Variants in TM6SF1 observed in about 807,000 individuals in gnomAD.
The protein encoded by TM6SF1 is transmembrane 6 superfamily member 1.
Under a neutral mutation model 47.1 loss-of-function variants are expected in TM6SF1, and 43 were observed. The ratio of observed to expected loss-of-function variants is 0.91; its 90% CI spans 0.72 to 1.18. The LOEUF (loss-of-function observed/expected upper bound fraction) is 1.18. Ranked by LOEUF, TM6SF1 falls within the 50% of genes most tolerant of loss-of-function variation. The pLI, the probability that TM6SF1 is intolerant of heterozygous loss-of-function variation, is 0.00. For missense variants in TM6SF1, 390 were observed against 449.0 expected, an observed-to-expected ratio of 0.87 and a Z score of 1.19; for synonymous variants, 177 against 166.3, an observed-to-expected ratio of 1.06 and a Z score of -0.49.
At chr15:83,135,070 A>G (rs928254523) in intron 9 of TM6SF1, 1 of 152,210 alleles carries the variant, frequency 6.6e-6, no homozygotes, top group African/African-American at 2.4e-5. Flanking sequence ...CAATGTAGAC[A>G]ATCCACGTGC....
In TM6SF1 at chr15:83,136,904, A is replaced by C; in HGVS notation, c.*232A>C. 1 of 335,892 alleles carries C rather than the reference A, an allele frequency of 3.0e-6. No individual in the cohort carries two copies. The highest frequency in any genetic ancestry group is 5.4e-6 in the Non-Finnish European group (1 of 184,868). The allele number at this position is 335,892 out of a possible 1,614,324, so 20.8% of individuals were successfully genotyped here. On this transcript the variant is annotated 3_prime_UTR_variant, in exon 10 of 10. Coordinates refer to ENST00000322019, the MANE Select transcript of TM6SF1 (RefSeq NM_023003.5). ...AATATATTCAAAATCATTTGTGAAT[A>C]AACTTGATCATCCATCTCAATATTG...
intron 7 of TM6SF1, 110 bp downstream of exon 7, chr15:83,124,886 T>A (rs897142224): frequency 1.1e-6 from 1 of 928,220 alleles, no homozygotes; most frequent in Non-Finnish European, 1.7e-6. Context: ...CTTAGCAAAC[T>A]AACAAACCAT....
chr15:83,126,806 G>A lies in TM6SF1; in HGVS notation c.760G>A (p.Glu254Lys), dbSNP rs757474185. The change falls in exon 8 of 10, where the codon GAG becomes AAG. Residue 254 changes from glutamate to lysine, a missense_variant. Transcript: ENST00000322019. ...CTGCCGATTATATACGCAATTTCAA[G>A]AGCCCTATCTAAAGGATCCTGCTGC... Reference protein sequence around the residue: ...ELCRLYTQFQEPYLKDPAAYP... With the variant: ...ELCRLYTQFQKPYLKDPAAYP... The A allele has an allele frequency of 4.3e-6, 7 of 1,614,028 alleles. No homozygotes were observed. The highest frequency in any genetic ancestry group is 5.9e-6 in the Non-Finnish European group (7 of 1,179,954).
At chr15:83,118,281 A>G (rs2034887939) in intron 3 of TM6SF1, among the ~76,000 whole-genome samples, 1 of 151,950 alleles carries the variant, frequency 6.6e-6, no homozygotes, top group Admixed American at 6.6e-5. Context: ...AGAGAGCAAG[A>G]GAGAGAGAGG....
intron 9 of TM6SF1, chr15:83,129,687 A>C (rs992099164): frequency 2.4e-4 from 37 of 152,226 alleles, no homozygotes; most frequent in African/African-American, 8.9e-4. Context: ...ACAGCACAAA[A>C]GACTGTATGT....
chr15:83,134,303 C>T (rs1250665807), intron 9 of TM6SF1: 1 of 152,170 alleles, frequency 6.6e-6, no homozygotes, highest in Non-Finnish European at 1.5e-5. Flanking sequence ...TCACTGCAAC[C>T]TCCACTCCCC....
chr15:83,120,134 G>C (rs1264884620), intron 4 of TM6SF1: 1 of 171,746 alleles, frequency 5.8e-6, no homozygotes, highest in Non-Finnish European at 1.3e-5. Context: ...CTCTGCGGCT[G>C]GCCCCTTGGC....
At chr15:83,108,362 T>G (rs946060457) in intron 1 of TM6SF1, among the ~76,000 whole-genome samples, 1 of 152,084 alleles carries the variant, frequency 6.6e-6, no homozygotes, top group African/African-American at 2.4e-5. Flanking sequence ...TCCGGTCAAG[T>G]GGACTTTGTG....
chr15:83,111,875 C>G (rs1253671270), intron 1 of TM6SF1, among the ~76,000 whole-genome samples: 5 of 152,170 alleles, frequency 3.3e-5, no homozygotes, highest in Non-Finnish European at 7.3e-5. Context: ...TCTCCTAGGG[C>G]CTGCAACAAT....
chr15:83,123,723 G>T (rs185177547), intron 6 of TM6SF1, among the ~76,000 whole-genome samples: 31 of 152,266 alleles, frequency 2.0e-4, no homozygotes, highest in African/African-American at 7.5e-4. Context: ...CTGTTAAAAA[G>T]AAAAAGCAAA....
chr15:83,120,461 T>C (rs2035115376), intron 4 of TM6SF1, among the ~76,000 whole-genome samples: 1 of 152,172 alleles, frequency 6.6e-6, no homozygotes, highest in African/African-American at 2.4e-5. Flanking sequence ...GGCCATCTTC[T>C]CAGGCCTCCA....
At chr15:83,126,892 T>C in intron 8 of TM6SF1, 45 bp downstream of exon 8, 1 of 1,527,162 alleles carries the variant, frequency 6.5e-7, no homozygotes, top group Non-Finnish European at 9.0e-7. Context: ...ATTAATTTTC[T>C]TTTTAAAAAA....
intron 4 of TM6SF1, among the ~76,000 whole-genome samples, 185 bp from the exon 5 acceptor site, chr15:83,121,736 A>G (rs1289513594): frequency 2.0e-5 from 3 of 152,230 alleles, no homozygotes; most frequent in Non-Finnish European, 4.4e-5. Context: ...GTTCTATAGT[A>G]TATCACATGG....
rs759429796 is a variant in TM6SF1, at chr15:83,107,764, C to T, written c.84C>T (p.Ala28=). The T allele has an allele frequency of 5.1e-6, 8 of 1,581,502 alleles. No individual in the cohort carries two copies. In the South Asian group the frequency reaches 9.2e-5, roughly 18 times the overall value. The part of the protein sequence containing the change: ...PVTYVFNHLA[A]QHDSWTIVGV... ...CCTATGTCTTCAACCACCTGGCGGC[C>T]CAGCATGAGTGAGTGAGCCGGCGCG... The change falls in exon 1 of 10, where the codon GCC becomes GCT. Residue 28 remains alanine (A), a synonymous_variant. Coordinates refer to ENST00000322019, the MANE Select transcript of TM6SF1 (RefSeq NM_023003.5). This position sits in a 1 kb window ranked among gnomAD's most constrained non-coding sequence, Gnocchi z 5.6.
At chr15:83,120,861 C>T (rs564655077) in intron 4 of TM6SF1, among the ~76,000 whole-genome samples, 4 of 151,356 alleles carry the variant, frequency 2.6e-5, no homozygotes, top group Admixed American at 1.3e-4. Flanking sequence ...CCACCGTGCC[C>T]GGCTCCAGCT....
intron 9 of TM6SF1, chr15:83,136,193 G>A (rs1043494479): frequency 2.7e-5 from 7 of 261,966 alleles, no homozygotes; most frequent in Non-Finnish European, 4.3e-5. Flanking sequence ...TGTTCGGTAA[G>A]GGGCACTTGA....
At chr15:83,130,167 T>C (rs1390292279) in intron 9 of TM6SF1, 2 of 152,046 alleles carry the variant, frequency 1.3e-5, no homozygotes, top group African/African-American at 4.8e-5. Flanking sequence ...AGGAGACAAA[T>C]GGAAACAGCA....
At chr15:83,116,059 A>G (rs1416619627) in intron 3 of TM6SF1, 117 bp downstream of exon 3, 11 of 762,524 alleles carry the variant, frequency 1.4e-5, no homozygotes, top group Non-Finnish European at 2.2e-5. Flanking sequence ...GCAGGCTTTC[A>G]TTTCCTATAA....
At chr15:83,123,653 T>C (rs2035469225) in intron 6 of TM6SF1, among the ~76,000 whole-genome samples, 2 of 152,196 alleles carry the variant, frequency 1.3e-5, no homozygotes, top group African/African-American at 4.8e-5. Context: ...ACACCTTCTA[T>C]GTAAACTCAG....
Sources: gnomAD v4.1 joint callset for allele counts (sites outside exome capture counted in the v4.1 genomes callset) on GRCh38, gnomAD v4.1.1 for gene constraint, Gnocchi (gnomAD v3.1) non-coding constraint, MANE v1.5 for transcripts, NCBI Gene and HGNC (gene_info 2026-07-23, HGNC 2026-07-21) for gene names.